Variants in MDM4 observed in about 807,000 individuals in gnomAD.
MDM4 encodes protein Mdm4.
Under a neutral mutation model 60.2 loss-of-function variants are expected in MDM4, and 2 were observed. That is an observed-to-expected ratio of 0.03 (90% CI 0.01 to 0.10). The LOEUF is 0.10. MDM4 is among the 10% of genes least tolerant of loss of function. The pLI, the probability that MDM4 is intolerant of heterozygous loss-of-function variation, is 1.00. For synonymous variants in MDM4, 202 were observed against 198.1 expected (o/e 1.02, Z -0.17); for missense variants, 447 against 577.5 (o/e 0.77, Z 2.32).
At chr1:204,533,841 G>A (rs773894547) in intron 5 of MDM4, among the ~76,000 whole-genome samples, 4 of 148,086 alleles carry the variant, frequency 2.7e-5, no homozygotes, top group Non-Finnish European at 5.9e-5. Context: ...GGAATGCAGT[G>A]GTGCAATCAT....
intron 1 of MDM4, among the ~76,000 whole-genome samples, chr1:204,524,333 C>T (rs1659887738): frequency 6.6e-6 from 1 of 152,176 alleles, no homozygotes; most frequent in South Asian, 2.1e-4. Context: ...GTCTCCCAAA[C>T]TGTTAGGATT....
At chr1:204,537,623 G>A in intron 6 of MDM4, 126 bp downstream of exon 6, 1 of 702,866 alleles carries the variant, frequency 1.4e-6, no homozygotes, top group Non-Finnish European at 2.5e-6. Context: ...GTTCTTGGGA[G>A]TTCACAGACC....
intron 5 of MDM4, among the ~76,000 whole-genome samples, chr1:204,535,718 A>C (rs1661340996): frequency 1.3e-5 from 2 of 151,310 alleles, no homozygotes; most frequent in Non-Finnish European, 2.9e-5. Context: ...ATTTTAGTAG[A>C]GATGAGGTTT....
At chr1:204,519,278 C>T (rs1333496122) in intron 1 of MDM4, among the ~76,000 whole-genome samples, 3 of 152,018 alleles carry the variant, frequency 2.0e-5, no homozygotes, top group Admixed American at 6.6e-5. Flanking sequence ...CCAAGGTGGG[C>T]GGATCACCTG....
rs759868051 is a variant in MDM4 at position 204,549,422 on chromosome 1, G to A, written c.1213G>A (p.Glu405Lys). 1 of 1,613,274 alleles carries A rather than the reference G, an allele frequency of 6.2e-7. No homozygotes were observed. The highest frequency in any genetic ancestry group is 1.1e-5 in the South Asian group (1 of 90,906). Residue 405 changes from glutamate (E) to lysine (K), a missense_variant, in exon 11 of 11, where the codon GAG becomes AAG. Glu to Lys is a moderately conservative substitution (Grantham distance 56). Coordinates refer to ENST00000367182, the MANE Select transcript of MDM4 (RefSeq NM_002393.5). ...TTTGGCTCACAGTTCTGAAAGCCAA[G>A]AGACCATCTCAAGCATGGGAGAACA... The part of the protein sequence containing the change: ...LDLAHSSESQ[E>K]TISSMGEQLD...
chr1:204,545,190 G>T lies in MDM4; in HGVS notation c.822+506G>T, dbSNP rs569723007. ...AAGGTTGGACACCCCTGTTGTAAAT[G>T]AACAGCAGTCTGTAGGAGAAAACTT... On this transcript the variant is annotated intron_variant, in intron 9 of 10. Coordinates refer to ENST00000367182, the MANE Select transcript of MDM4 (RefSeq NM_002393.5). 3.4e-4 allele frequency among the ~76,000 whole-genome samples: 52 copies of T among 152,292 alleles called. 1 individual carries two copies. In the South Asian group the frequency reaches 0.011, roughly 32 times the overall value.
In MDM4 at chr1:204,544,449, A is replaced by G. The variant is rs540282571; in HGVS notation, c.673-86A>G. 4.6e-5 allele frequency: 61 copies of G among 1,338,950 alleles called. No homozygotes were observed. In the Admixed American group the frequency reaches 5.1e-4, roughly 11 times the overall value. The allele number at this position is 1,338,950 out of a possible 1,614,324, so 82.9% of individuals were successfully genotyped here. On this transcript the variant is annotated intron_variant, in intron 8 of 10. Coordinates refer to ENST00000367182, the MANE Select transcript of MDM4 (RefSeq NM_002393.5). ...TTCTTTGGCGATGTAGTGTGACGAC[A>G]TTGAGTTTTGGGTTCATTTGTGTTG...
Position 204,544,640 on chromosome 1 carries a change from A to G in MDM4, c.778A>G (p.Thr260Ala), listed in dbSNP as rs779132860. Residue 260 changes from threonine (T) to alanine (A), a missense_variant, in exon 9 of 11, where the codon ACT (threonine) becomes GCT (alanine). Physicochemically the swap from Thr to Ala is moderately conservative, Grantham distance 58. Coordinates refer to ENST00000367182, the MANE Select transcript of MDM4 (RefSeq NM_002393.5). ...TGGAATAAAAGTTGAAGCTGCTGAT[A>G]CTGAACAAACAAGTGAAGAAGTAGG... ...GVGIKVEAADTEQTSEEVGKV... is the reference protein window; with the variant it reads ...GVGIKVEAADAEQTSEEVGKV... 1.2e-5 allele frequency: 19 copies of G among 1,613,672 alleles called. No homozygotes were observed. Among genetic ancestry groups the G allele is most frequent in the African/African-American group, 4.0e-5 (3 of 74,936 alleles).
chr1:204,543,744 C>T (rs1160551318), intron 8 of MDM4, among the ~76,000 whole-genome samples: 6 of 152,338 alleles, frequency 3.9e-5, no homozygotes, highest in African/African-American at 1.4e-4. Flanking sequence ...ATAGCCTCCT[C>T]TCTAGCCACT....
At position 204,544,704 on chromosome 1, in the gene MDM4, C is replaced by T. The variant is rs1662473965; in HGVS notation, c.822+20C>T. ...AAAAAGGTATGTTGTGGAAAAATTC[C>T]ATGTTGATTCTGTTTGTGTGCTCAT... On this transcript the variant is annotated intron_variant, in intron 9 of 10. Transcript: ENST00000367182. The T allele has an allele frequency of 2.5e-6, 4 of 1,599,566 alleles. No homozygotes were observed. Among genetic ancestry groups the T allele is most frequent in the Non-Finnish European group, 3.4e-6 (4 of 1,169,306 alleles).
At chr1:204,528,976 CA>C in intron 3 of MDM4, 2 of 1,542,288 alleles carry the variant, frequency 1.3e-6, no homozygotes, top group East Asian at 2.3e-5. Flanking sequence ...ATGAAGCAAT[CA>C]AGCTGTCTGG....
At chr1:204,548,191 A>G (rs1436173095) in intron 10 of MDM4, among the ~76,000 whole-genome samples, 1 of 152,274 alleles carries the variant, frequency 6.6e-6, no homozygotes. Flanking sequence ...ACCATCACTC[A>G]TGAATTCCAA....
intron 1 of MDM4, among the ~76,000 whole-genome samples, chr1:204,517,074 C>G: frequency 6.6e-6 from 1 of 151,974 alleles, no homozygotes; most frequent in East Asian, 1.9e-4. Context: ...AACCCCGTCT[C>G]TAGTAAAAAT....
At chr1:204,521,691 C>T (rs1257383010) in intron 1 of MDM4, among the ~76,000 whole-genome samples, 1 of 152,028 alleles carries the variant, frequency 6.6e-6, no homozygotes, top group South Asian at 2.1e-4. Context: ...AGTTAGGGAG[C>T]GTGGTTCATT....
At chr1:204,536,664 T>C (rs2102386797) in intron 5 of MDM4, among the ~76,000 whole-genome samples, 1 of 152,376 alleles carries the variant, frequency 6.6e-6, no homozygotes, top group Admixed American at 6.5e-5. Context: ...TTTTGTCTTT[T>C]GTTCTACTTG....
At chr1:204,541,218 G>A (rs1662039328) in intron 7 of MDM4, among the ~76,000 whole-genome samples, 1 of 152,192 alleles carries the variant, frequency 6.6e-6, no homozygotes, top group Non-Finnish European at 1.5e-5. Context: ...CAGCACTTTG[G>A]GAGGCTGAGG....
Position 204,552,667 on chromosome 1 carries a change from T to C in MDM4, c.*2985T>C, listed in dbSNP as rs532621563. ...ACTTAAGAAGTAAACATTTTACTTA[T>C]GTTTATAGGTATTTGATCCTAAATT... On this transcript the variant is annotated 3_prime_UTR_variant, in exon 11 of 11. Transcript: ENST00000367182. 1.4e-4 allele frequency: 25 copies of C among 177,794 alleles called. No individual in the cohort carries two copies. The highest frequency in any genetic ancestry group is 2.2e-3 in the Middle Eastern group (1 of 452). The allele number at this position is 177,794 out of a possible 1,614,324, so 11.0% of individuals were successfully genotyped here. A position where few individuals can be genotyped will look rare whatever the true frequency, so the allele number is the denominator to read the frequency against.
In MDM4 at chr1:204,557,608, G is replaced by GC. The variant is rs577768067; in HGVS notation, c.*7928dup. On this transcript the variant is annotated 3_prime_UTR_variant, in exon 11 of 11. Coordinates refer to ENST00000367182, the MANE Select transcript of MDM4 (RefSeq NM_002393.5). ...GTAGAGACAGGGTTTCACCATGTTG[G>GC]CCAGGCTGGTCTTGAACTCCTGACC... 4.0e-3 allele frequency: 686 copies of GC among 173,394 alleles called. 3 individuals are homozygous for GC. The highest frequency in any genetic ancestry group is 0.016 in the Middle Eastern group (7 of 442). The allele number at this position is 173,394 out of a possible 1,614,324, so 10.7% of individuals were successfully genotyped here.
chr1:204,532,323 A>G (rs1660941202), intron 5 of MDM4, 77 bp downstream of exon 5: 3 of 929,596 alleles, frequency 3.2e-6, no homozygotes, highest in East Asian at 4.9e-5. Flanking sequence ...AACAAAGAAG[A>G]TGAAGGTGGA....
Sources: allele counts gnomAD v4.1 joint callset (sites outside exome capture counted in the v4.1 genomes callset), GRCh38; gene constraint gnomAD v4.1.1; transcripts MANE v1.5; gene names NCBI Gene and HGNC (gene_info 2026-07-23, HGNC 2026-07-21).